The following EPHA3 variants were observed in gnomAD, a reference collection of about 807,000 sequenced individuals.
The protein encoded by EPHA3 is EPH receptor A3.
In EPHA3, 42 loss-of-function variants were observed where a neutral mutation model predicts 107.1. The observed-to-expected ratio is 0.39, with a 90% CI of 0.31 to 0.51. The LOEUF (loss-of-function observed/expected upper bound fraction) is 0.51. Ranked by LOEUF, EPHA3 falls within the 20% of genes least tolerant of loss-of-function variation. The pLI is 0.78. For missense variants in EPHA3, 1,183 were observed against 1,211.2 expected (o/e 0.98, Z 0.35); for synonymous variants, 461 against 424.8 (o/e 1.09, Z -1.05).
chr3:89,222,507 A>G (rs1704404036), intron 3 of EPHA3, among the ~76,000 whole-genome samples: 1 of 149,112 alleles, frequency 6.7e-6, no homozygotes, highest in Non-Finnish European at 1.5e-5. Flanking sequence ...TTATATAAAT[A>G]TATATAAATA....
At chr3:89,115,163 A>AGTC (rs1707222399) in intron 1 of EPHA3, among the ~76,000 whole-genome samples, 1 of 151,854 alleles carries the variant, frequency 6.6e-6, no homozygotes, top group Non-Finnish European at 1.5e-5. Flanking sequence ...CAGCTTGCTG[A>AGTC]TTTCTAACCC....
At chr3:89,407,431 T>C in intron 8 of EPHA3, 60 bp downstream of exon 8, 3 of 1,369,238 alleles carry the variant, frequency 2.2e-6, no homozygotes, top group Non-Finnish European at 3.1e-6. Context: ...CTGCCACTGA[T>C]TGCTGTTAAA....
intron 1 of EPHA3, among the ~76,000 whole-genome samples, chr3:89,120,331 A>T (rs1266483505): frequency 2.0e-5 from 3 of 152,188 alleles, no homozygotes; most frequent in Non-Finnish European, 4.4e-5. Flanking sequence ...TGGGAGACAC[A>T]TTTTACTCGT....
intron 10 of EPHA3, 94 bp from the exon 11 acceptor site, chr3:89,419,111 T>G (rs1268923472): frequency 7.7e-7 from 1 of 1,306,310 alleles, no homozygotes; most frequent in East Asian, 2.4e-5. Flanking sequence ...ACAAATATTT[T>G]AAATGGAAAT....
chr3:89,476,539 T>C (rs1710511082), intron 16 of EPHA3, among the ~76,000 whole-genome samples: 1 of 148,104 alleles, frequency 6.8e-6, no homozygotes, highest in Admixed American at 6.8e-5. Context: ...TATTTACTCA[T>C]ATAATATAAA....
Position 89,344,624 on chromosome 3 carries a change from C to T in EPHA3, c.1306+2534C>T, listed in dbSNP as rs538991560. ...CTTGTGAAGGTTAATGGACTGGTAGCCTTGAAAAATAAGCTCCCTACCACT... is the reference window on the plus strand; with the variant it reads ...CTTGTGAAGGTTAATGGACTGGTAGTCTTGAAAAATAAGCTCCCTACCACT... On this transcript the variant is annotated intron_variant, in intron 5 of 16. Coordinates refer to ENST00000336596, the MANE Select transcript of EPHA3 (RefSeq NM_005233.6). 2.6e-5 allele frequency among the ~76,000 whole-genome samples: 4 copies of T among 152,076 alleles called. No homozygotes were observed. In the South Asian group the frequency reaches 8.3e-4, roughly 32 times the overall value.
At chr3:89,208,930 A>G (rs995986590) in intron 2 of EPHA3, among the ~76,000 whole-genome samples, 2 of 152,174 alleles carry the variant, frequency 1.3e-5, no homozygotes, top group African/African-American at 4.8e-5. Flanking sequence ...GGGGCATAAG[A>G]GGAAAGTATG....
At chr3:89,256,470 C>G (rs1705288156) in intron 3 of EPHA3, among the ~76,000 whole-genome samples, 1 of 151,980 alleles carries the variant, frequency 6.6e-6, no homozygotes, top group African/African-American at 2.4e-5. Flanking sequence ...ACTCGGGAAC[C>G]TGAGGCAGGA....
chr3:89,404,965 T>C (rs2107514377), intron 7 of EPHA3, among the ~76,000 whole-genome samples: 1 of 152,272 alleles, frequency 6.6e-6, no homozygotes, highest in African/African-American at 2.4e-5. Context: ...TTAAGCTATT[T>C]CACAAATCAT....
rs761576191 is a variant in EPHA3 at position 89,210,464 on chromosome 3, C to G, written c.758C>G (p.Pro253Arg). 6.3e-7 allele frequency: 1 copy of G among 1,593,108 alleles called. No homozygotes were observed. The highest frequency in any genetic ancestry group is 1.7e-4 in the Middle Eastern group (1 of 5,912). The change falls in exon 3 of 17, where the codon CCC becomes CGC. Residue 253 changes from proline (P) to arginine (R), a missense_variant. By Grantham distance (103) the Pro-to-Arg change is moderately radical. Transcript: ENST00000336596. ...YCSTEGEWLV[P>R]IGKCSCNAGY... Reference sequence around the variant, plus strand: ...AGTACAGAAGGCGAATGGCTTGTACCCATTGGCAAGTGTTCCTGCAATGCT... The same window carrying G: ...AGTACAGAAGGCGAATGGCTTGTACGCATTGGCAAGTGTTCCTGCAATGCT...
intron 2 of EPHA3, among the ~76,000 whole-genome samples, chr3:89,164,248 A>G (rs887605541): frequency 2.6e-5 from 4 of 152,200 alleles, no homozygotes; most frequent in African/African-American, 9.7e-5. Context: ...CACTGACACT[A>G]ACAATAGCTA....
intron 3 of EPHA3, among the ~76,000 whole-genome samples, chr3:89,316,520 A>G (rs1706910479): frequency 7.0e-6 from 1 of 143,162 alleles, no homozygotes; most frequent in Non-Finnish European, 1.5e-5. Flanking sequence ...ATATATATAT[A>G]TATATATATA....
chr3:89,234,347 T>C (rs531479590), intron 3 of EPHA3, among the ~76,000 whole-genome samples: 1 of 152,318 alleles, frequency 6.6e-6, no homozygotes, highest in African/African-American at 2.4e-5. Context: ...TTTCATGTAT[T>C]TTAATCAATA....
chr3:89,197,567 C>A (rs6551403), intron 2 of EPHA3, among the ~76,000 whole-genome samples: 89,603 of 151,736 alleles, frequency 0.59, 28,289 homozygotes, highest in Non-Finnish European at 0.7. Context: ...AGTCAAGTGT[C>A]TAATAAAATT....
At chr3:89,279,690 G>A (rs888195289) in intron 3 of EPHA3, among the ~76,000 whole-genome samples, 40 of 151,894 alleles carry the variant, frequency 2.6e-4, no homozygotes, top group African/African-American at 9.7e-4. Context: ...CTTATTTGGT[G>A]CAATTCTAAA....
intron 13 of EPHA3, among the ~76,000 whole-genome samples, chr3:89,441,753 C>A (rs1473907543): frequency 1.3e-5 from 2 of 152,134 alleles, no homozygotes; most frequent in Non-Finnish European, 2.9e-5. Context: ...TGCATACGCT[C>A]TGTGATGAAT....
At chr3:89,330,747 A>G (rs1707266557) in intron 3 of EPHA3, among the ~76,000 whole-genome samples, 1 of 152,260 alleles carries the variant, frequency 6.6e-6, no homozygotes, top group African/African-American at 2.4e-5. Flanking sequence ...TGCAGCATCC[A>G]CAGAAATTTG....
intron 7 of EPHA3, among the ~76,000 whole-genome samples, chr3:89,406,674 G>A (rs1023433278): frequency 5.9e-5 from 9 of 152,052 alleles, no homozygotes; most frequent in African/African-American, 1.2e-4. Context: ...TTCTAAGCTC[G>A]TGAGCTGTAC....
chr3:89,250,757 CT>C (rs1214301884), intron 3 of EPHA3, among the ~76,000 whole-genome samples: 2 of 152,172 alleles, frequency 1.3e-5, no homozygotes, highest in Non-Finnish European at 2.9e-5. Context: ...CTTGAAATGG[CT>C]TCTGGATGTA....
Sources: gnomAD v4.1 joint callset for allele counts (sites outside exome capture counted in the v4.1 genomes callset) on GRCh38, gnomAD v4.1.1 for gene constraint, MANE v1.5 for transcripts, NCBI Gene and HGNC (gene_info 2026-07-23, HGNC 2026-07-21) for gene names.